DPY19L3: variants seen among roughly 807,000 people sequenced by gnomAD.
The protein encoded by DPY19L3 is dpy-19 like C-mannosyltransferase 3, also known as protein C-mannosyl-transferase DPY19L3.
A neutral mutation model predicts 92.3 loss-of-function variants in DPY19L3; 51 were observed. The ratio of observed to expected loss-of-function variants is 0.55; its 90% CI spans 0.44 to 0.70. The LOEUF (loss-of-function observed/expected upper bound fraction) is 0.70, where lower values mean the gene tolerates loss of function less well. Ranked by LOEUF, DPY19L3 falls within the 30% of genes least tolerant of loss-of-function variation. The pLI, the probability that DPY19L3 is intolerant of heterozygous loss-of-function variation, is 0.00. For synonymous variants in DPY19L3, 309 were observed against 315.2 expected (o/e 0.98, Z 0.21); for missense variants, 706 against 855.9 (o/e 0.82, Z 2.18).
At chr19:32,407,258 T>C (rs1274102060) in intron 1 of DPY19L3, among the ~76,000 whole-genome samples, 34 of 69,118 alleles carry the variant, frequency 4.9e-4, no homozygotes, top group Admixed American at 1.3e-3. Flanking sequence ...CAAACCAGGC[T>C]CCTGCTCCCC....
At chr19:32,441,715 C>G (rs1969331354) in intron 8 of DPY19L3, among the ~76,000 whole-genome samples, 1 of 152,142 alleles carries the variant, frequency 6.6e-6, no homozygotes, top group Non-Finnish European at 1.5e-5. Context: ...CCAGGCTGGT[C>G]TTGAACTCCT....
chr19:32,468,214 G>A lies in DPY19L3; in HGVS notation c.1615-517G>A, dbSNP rs1053386062. ...TGAAAAATAAATCCCAGTGGGTGATGCTGCCTGTTGCGTCATCCATGTCAT... is the reference window on the plus strand; with the variant it reads ...TGAAAAATAAATCCCAGTGGGTGATACTGCCTGTTGCGTCATCCATGTCAT... On this transcript the variant is annotated intron_variant, in intron 15 of 18. Transcript: ENST00000392250. The A allele has an allele frequency of 1.7e-5, 16 of 915,054 alleles. No individual in the cohort carries two copies. In the African/African-American group the frequency reaches 2.7e-4, roughly 15 times the overall value. 56.7% of individuals were successfully genotyped at this position (915,054 alleles called of 1,614,324 possible).
intron 16 of DPY19L3, among the ~76,000 whole-genome samples, chr19:32,471,622 C>G (rs762962459): frequency 2.6e-5 from 4 of 152,116 alleles, no homozygotes; most frequent in Non-Finnish European, 4.4e-5. Context: ...CTGGAGTAAG[C>G]CACACCCCAC....
rs772825844 is a variant in DPY19L3, at chr19:32,453,169, A to G, written c.880A>G (p.Ile294Val). 5.0e-6 allele frequency: 8 copies of G among 1,614,126 alleles called. No individual in the cohort carries two copies. In the East Asian group the frequency reaches 1.6e-4, roughly 31 times the overall value. The change falls in exon 9 of 19, where the codon ATA becomes GTA. Residue 294 changes from isoleucine to valine, a missense_variant. Transcript: ENST00000392250. ...VKATWLYGIQ[I>V]TSLLLVCILQ... ...GGCGACATGGCTGTATGGAATACAG[A>G]TAACAAGTTTACTCCTGGTCTGCAT...
chr19:32,456,711 G>A (rs984442758), intron 10 of DPY19L3, among the ~76,000 whole-genome samples: 1 of 152,142 alleles, frequency 6.6e-6, no homozygotes, highest in African/African-American at 2.4e-5. Context: ...TAGGATTACA[G>A]ACACGAGCTG....
intron 16 of DPY19L3, among the ~76,000 whole-genome samples, chr19:32,474,005 G>T (rs1318787284): frequency 6.6e-6 from 1 of 152,070 alleles, no homozygotes; most frequent in African/African-American, 2.4e-5. Flanking sequence ...GTTTCACCAT[G>T]TTGGCCAGGC....
intron 6 of DPY19L3, among the ~76,000 whole-genome samples, chr19:32,437,754 A>G (rs1217908150): frequency 6.7e-6 from 1 of 149,272 alleles, no homozygotes; most frequent in East Asian, 1.9e-4. Context: ...TAATTAACGT[A>G]TCAGTCATTA....
rs1292282100 is a variant in DPY19L3 at position 32,477,508 on chromosome 19, C to CT, written c.1698-13dup. ...CTTAACAGTGGGGTTAATTCAGACT[C>CT]TAAAATCTTTCAGCTCTAACACTCC... On this transcript the variant is annotated splice_polypyrimidine_tract_variant and intron_variant, in intron 16 of 18. Transcript: ENST00000392250. 3 of 1,613,936 alleles carry CT rather than the reference C, an allele frequency of 1.9e-6. No homozygotes were observed. The highest frequency in any genetic ancestry group is 2.2e-5 in the South Asian group (2 of 91,086).
At chr19:32,461,047 G>T (rs966675603) in intron 12 of DPY19L3, among the ~76,000 whole-genome samples, 2 of 152,092 alleles carry the variant, frequency 1.3e-5, no homozygotes, top group East Asian at 3.9e-4. Context: ...TGTATTTTTA[G>T]TAGAAACAGG....
At chr19:32,465,561 G>A (rs1970175991) in intron 15 of DPY19L3, among the ~76,000 whole-genome samples, 1 of 152,048 alleles carries the variant, frequency 6.6e-6, no homozygotes, top group African/African-American at 2.4e-5. Context: ...AAACTCTACT[G>A]TGTAGAACCC....
chr19:32,419,196 T>C (rs1200610045), intron 3 of DPY19L3, among the ~76,000 whole-genome samples: 2 of 151,488 alleles, frequency 1.3e-5, no homozygotes, highest in African/African-American at 2.4e-5. Context: ...AGTCTCGCTG[T>C]GTCGCCCAGG....
chr19:32,468,853 T>A (rs947196714), intron 16 of DPY19L3, 40 bp downstream of exon 16: 2 of 1,601,098 alleles, frequency 1.2e-6, no homozygotes, highest in African/African-American at 2.7e-5. Flanking sequence ...TTTAAGTGCC[T>A]TTTAAGAGTC....
chr19:32,415,827 A>G (rs1381777900), intron 3 of DPY19L3, among the ~76,000 whole-genome samples: 1 of 152,252 alleles, frequency 6.6e-6, no homozygotes, highest in Non-Finnish European at 1.5e-5. Flanking sequence ...GGGAAAAATC[A>G]GAAAGAAAAT....
At chr19:32,464,307 G>T (rs781118190) in intron 14 of DPY19L3, among the ~76,000 whole-genome samples, 45 of 151,422 alleles carry the variant, frequency 3.0e-4, no homozygotes, top group Non-Finnish European at 6.2e-4. Context: ...TTTTCATAAA[G>T]ATAATTATTT....
intron 3 of DPY19L3, among the ~76,000 whole-genome samples, chr19:32,419,310 G>A (rs1315284881): frequency 2.6e-5 from 4 of 151,744 alleles, no homozygotes; most frequent in East Asian, 3.9e-4. Flanking sequence ...ACAGGTGCCC[G>A]CTGCCACGCC....
At chr19:32,432,518 G>A (rs1255921851) in intron 3 of DPY19L3, among the ~76,000 whole-genome samples, 198 bp from the exon 4 acceptor site, 1 of 152,038 alleles carries the variant, frequency 6.6e-6, no homozygotes, top group African/African-American at 2.4e-5. Context: ...GTAGAGAATA[G>A]TAGGACAGAC....
intron 3 of DPY19L3, among the ~76,000 whole-genome samples, chr19:32,415,788 A>G (rs1188657523): frequency 6.6e-6 from 1 of 152,208 alleles, no homozygotes; most frequent in Non-Finnish European, 1.5e-5. Context: ...AGCATTGAAT[A>G]CGACATAGAA....
chr19:32,413,446 T>TG (rs1450122661), intron 3 of DPY19L3, among the ~76,000 whole-genome samples: 2 of 150,536 alleles, frequency 1.3e-5, no homozygotes, highest in Non-Finnish European at 3.0e-5. Flanking sequence ...GAATAATTCT[T>TG]TTTTTTTTTA....
At chr19:32,468,696 A>T (rs761959342) in intron 15 of DPY19L3, 35 bp from the exon 16 acceptor site, 7 of 1,608,706 alleles carry the variant, frequency 4.4e-6, no homozygotes, top group Non-Finnish European at 5.9e-6. Flanking sequence ...GTAGGGGTGG[A>T]TTTTGTTTTT....
Sources: allele counts gnomAD v4.1 joint callset (sites outside exome capture counted in the v4.1 genomes callset), GRCh38; gene constraint gnomAD v4.1.1; transcripts MANE v1.5; gene names NCBI Gene and HGNC (gene_info 2026-07-23, HGNC 2026-07-21).